Variants in SPIDR observed in about 807,000 individuals in gnomAD.
The protein encoded by SPIDR is scaffold protein involved in DNA repair.
In SPIDR, 93 loss-of-function variants were observed where a neutral mutation model predicts 104.6. The observed-to-expected ratio is 0.89, with a 90% CI of 0.75 to 1.06. The LOEUF (loss-of-function observed/expected upper bound fraction) is 1.06, where lower values mean the gene tolerates loss of function less well. Ranked by LOEUF, SPIDR falls within the 50% of genes least tolerant of loss-of-function variation. The pLI is 0.00. For synonymous variants in SPIDR, 431 were observed against 416.9 expected (o/e 1.03, Z -0.41); for missense variants, 1,154 against 1,111.2 (o/e 1.04, Z -0.55).
intron 1 of SPIDR, among the ~76,000 whole-genome samples, chr8:47,271,997 T>C (rs1176599353): frequency 6.6e-6 from 1 of 151,918 alleles, no homozygotes; most frequent in East Asian, 1.9e-4. Context: ...TTTTTTGAGA[T>C]GGAGTCTCTC....
rs143898867 is a variant in SPIDR, at chr8:47,660,774, G to A, written c.1545-13027G>A. The A allele has an allele frequency of 6.5e-5, 13 of 198,962 alleles. No individual in the cohort carries two copies. The Admixed American group carries it at 8.5e-4, about 13-fold the overall frequency. The allele number at this position is 198,962 out of a possible 1,614,324, so 12.3% of individuals were successfully genotyped here. On this transcript the variant is annotated intron_variant, in intron 10 of 19. Transcript: ENST00000297423. ...CTGTGCCACTCTCAAGCACCTTCCT[G>A]TGAGCCCCTTCCCATGAGATTAGGC...
At chr8:47,666,131 A>T (rs2074894028) in intron 10 of SPIDR, among the ~76,000 whole-genome samples, 1 of 152,150 alleles carries the variant, frequency 6.6e-6, no homozygotes. Context: ...AGGCCTTTAA[A>T]CTGTGCTGTC....
chr8:47,642,910 A>G (rs1002609961), intron 10 of SPIDR, among the ~76,000 whole-genome samples: 3 of 152,192 alleles, frequency 2.0e-5, no homozygotes, highest in Non-Finnish European at 2.9e-5. Context: ...AAATGGAAAA[A>G]CAATGGGATT....
intron 8 of SPIDR, among the ~76,000 whole-genome samples, chr8:47,539,680 G>T (rs1187506996): frequency 6.6e-6 from 1 of 151,822 alleles, no homozygotes; most frequent in East Asian, 1.9e-4. Context: ...AGAGGGGACA[G>T]TATTCAGTCC....
chr8:47,640,317 C>T (rs1396057742), intron 10 of SPIDR, among the ~76,000 whole-genome samples: 2 of 152,246 alleles, frequency 1.3e-5, no homozygotes, highest in Non-Finnish European at 2.9e-5. Flanking sequence ...GTTTGCTGAC[C>T]GGCCTCTGGA....
chr8:47,403,346 T>G (rs1355770147), intron 6 of SPIDR, among the ~76,000 whole-genome samples: 14 of 152,222 alleles, frequency 9.2e-5, no homozygotes, highest in Non-Finnish European at 2.1e-4. Context: ...CGTTGGAAGT[T>G]CTGGCCAGGG....
intron 14 of SPIDR, among the ~76,000 whole-genome samples, chr8:47,710,127 C>T (rs1335818852): frequency 6.6e-6 from 1 of 152,148 alleles, no homozygotes; most frequent in Non-Finnish European, 1.5e-5. Flanking sequence ...ATCCACCCGC[C>T]TTGGTCTCCC....
chr8:47,381,234 T>C (rs1167820753), intron 5 of SPIDR, among the ~76,000 whole-genome samples: 1 of 152,200 alleles, frequency 6.6e-6, no homozygotes, highest in Non-Finnish European at 1.5e-5. Flanking sequence ...ACTCAGTTAA[T>C]GTGTTACATG....
intron 5 of SPIDR, among the ~76,000 whole-genome samples, chr8:47,302,844 C>T (rs2042387998): frequency 1.3e-5 from 2 of 152,196 alleles, no homozygotes; most frequent in Non-Finnish European, 2.9e-5. Flanking sequence ...TGTGAGGTGT[C>T]AGTCTGCCCC....
intron 5 of SPIDR, among the ~76,000 whole-genome samples, chr8:47,393,981 T>A (rs1195710752): frequency 1.3e-5 from 2 of 151,654 alleles, no homozygotes; most frequent in Non-Finnish European, 2.9e-5. Context: ...CTTAGCTCAC[T>A]GCAACCTCCA....
chr8:47,375,382 C>T (rs1481414480), intron 5 of SPIDR, among the ~76,000 whole-genome samples: 1 of 151,368 alleles, frequency 6.6e-6, no homozygotes, highest in African/African-American at 2.4e-5. Context: ...GCTGGAATTA[C>T]AGGCGCACAC....
At position 47,303,542 on chromosome 8, in the gene SPIDR, T is replaced by C. The variant is rs2042605989; in HGVS notation, c.525+9512T>C. On this transcript the variant is annotated intron_variant, in intron 5 of 19. Transcript: ENST00000297423. ...CACCCGTCTTCTGCGTCACTCACGC[T>C]GGGAGCTGTAGACTGGAGCTGTTCC... Among the ~76,000 whole-genome samples the C allele has an allele frequency of 5.3e-5, 8 of 152,336 alleles. No individual in the cohort carries two copies. The South Asian group carries it at 1.7e-3, about 32-fold the overall frequency.
At chr8:47,446,579 T>G (rs1341516504) in intron 8 of SPIDR, among the ~76,000 whole-genome samples, 7 of 151,458 alleles carry the variant, frequency 4.6e-5, no homozygotes, top group African/African-American at 1.5e-4. Flanking sequence ...TAGATAATGA[T>G]TCCTTTTTTT....
chr8:47,275,932 C>T (rs369677787), intron 1 of SPIDR, among the ~76,000 whole-genome samples: 45 of 152,326 alleles, frequency 3.0e-4, no homozygotes, highest in African/African-American at 1.1e-3. Context: ...TCACAGCTCA[C>T]TGCAGCCTGG....
At chr8:47,297,351 T>G (rs2041042542) in intron 5 of SPIDR, among the ~76,000 whole-genome samples, 1 of 152,206 alleles carries the variant, frequency 6.6e-6, no homozygotes, top group South Asian at 2.1e-4. Flanking sequence ...TTGTTACATA[T>G]GGCCTTTATT....
Position 47,700,267 on chromosome 8 carries a change from C to G in SPIDR, c.1686-136C>G. 3 of 900,984 alleles carry G rather than the reference C, an allele frequency of 3.3e-6. 1 individual carries two copies. Among genetic ancestry groups the G allele is most frequent in the Middle Eastern group, 2.2e-4 (1 of 4,540 alleles). The allele number at this position is 900,984 out of a possible 1,614,324, so 55.8% of individuals were successfully genotyped here. A position where few individuals can be genotyped will look rare whatever the true frequency, so the allele number is the denominator to read the frequency against. Reference sequence around the variant, plus strand: ...TCTGTCTGTGTGCCTTCTTCCCCCTCTGAATCGCCACACATCTCGAATTGT... The same window carrying G: ...TCTGTCTGTGTGCCTTCTTCCCCCTGTGAATCGCCACACATCTCGAATTGT... On this transcript the variant is annotated intron_variant, in intron 11 of 19. Transcript: ENST00000297423.
chr8:47,317,605 C>G (rs2045628064), intron 5 of SPIDR, among the ~76,000 whole-genome samples: 1 of 152,128 alleles, frequency 6.6e-6, no homozygotes, highest in African/African-American at 2.4e-5. Context: ...TAGTGGTTCT[C>G]CCAGCACGCA....
intron 8 of SPIDR, among the ~76,000 whole-genome samples, chr8:47,515,318 T>C (rs1334738027): frequency 6.6e-6 from 1 of 152,260 alleles, no homozygotes; most frequent in Non-Finnish European, 1.5e-5. Context: ...TGAGGGATTG[T>C]TCTCTGCTTT....
intron 8 of SPIDR, among the ~76,000 whole-genome samples, chr8:47,451,776 A>G (rs567338746): frequency 6.6e-6 from 1 of 152,296 alleles, no homozygotes; most frequent in South Asian, 2.1e-4. Flanking sequence ...TTATAGGAGT[A>G]CCAGAAGGAG....
Sources: gnomAD v4.1 joint callset for allele counts (sites outside exome capture counted in the v4.1 genomes callset) on GRCh38, gnomAD v4.1.1 for gene constraint, MANE v1.5 for transcripts, NCBI Gene and HGNC (gene_info 2026-07-23, HGNC 2026-07-21) for gene names.